ALG9: variants seen among roughly 807,000 people sequenced by gnomAD.
The protein encoded by ALG9 is ALG9 alpha-1,2-mannosyltransferase, also known as alpha-1,2-mannosyltransferase ALG9.
A neutral mutation model predicts 81.8 loss-of-function variants in ALG9; 55 were observed. That is an observed-to-expected ratio of 0.67 (90% CI 0.54 to 0.84). The LOEUF (loss-of-function observed/expected upper bound fraction) is 0.84, where lower values mean the gene tolerates loss of function less well. ALG9 is among the 40% of genes least tolerant of loss of function. The pLI is 0.00. For missense variants in ALG9, 629 were observed against 745.0 expected, an observed-to-expected ratio of 0.84 and a Z score of 1.81; for synonymous variants, 278 against 274.3, an observed-to-expected ratio of 1.01 and a Z score of -0.13.
At chr11:111,808,146 T>G (rs1555087152) in intron 14 of ALG9, among the ~76,000 whole-genome samples, 1 of 152,140 alleles carries the variant, frequency 6.6e-6, no homozygotes, top group Non-Finnish European at 1.5e-5. Flanking sequence ...AAATTATGTA[T>G]CAGATACTTG....
Position 111,840,636 on chromosome 11 carries a change from A to G in ALG9, c.1173+19T>C. The G allele has an allele frequency of 6.2e-7, 1 of 1,613,956 alleles. No individual in the cohort carries two copies. The highest frequency in any genetic ancestry group is 8.5e-7 in the Non-Finnish European group (1 of 1,179,840). On this transcript the variant is annotated intron_variant, in intron 10 of 14. Transcript: ENST00000616540. The stretch of plus-strand genomic sequence containing the variant: ...AAGTAAAAAAGAATGAGGCAGATAC[A>G]CTTCTCCCTGAAACTCACCTGAAGT...
At chr11:111,858,386 A>C (rs781945346) in intron 5 of ALG9, among the ~76,000 whole-genome samples, 1 of 152,214 alleles carries the variant, frequency 6.6e-6, no homozygotes. Flanking sequence ...AATATGCTTT[A>C]AAAGACTTAG....
chr11:111,869,198 G>A (rs1338844464), intron 2 of ALG9, among the ~76,000 whole-genome samples: 1 of 152,200 alleles, frequency 6.6e-6, no homozygotes, highest in Non-Finnish European at 1.5e-5. Flanking sequence ...GGTCAACACT[G>A]AAAGCTTAAA....
intron 14 of ALG9, among the ~76,000 whole-genome samples, chr11:111,800,762 C>G (rs909275874): frequency 6.6e-6 from 1 of 152,110 alleles, no homozygotes; most frequent in East Asian, 1.9e-4. Flanking sequence ...AGGACAGCGA[C>G]CTGGTATGTA....
chr11:111,828,262 C>T (rs782060379), intron 13 of ALG9, among the ~76,000 whole-genome samples: 1 of 152,196 alleles, frequency 6.6e-6, no homozygotes, highest in Non-Finnish European at 1.5e-5. Flanking sequence ...GCCAGTGATT[C>T]AAAACTGTTG....
chr11:111,869,439 C>T (rs923673402), intron 2 of ALG9, among the ~76,000 whole-genome samples: 68 of 151,798 alleles, frequency 4.5e-4, no homozygotes, highest in African/African-American at 1.6e-3. Flanking sequence ...TTTTGGTAAC[C>T]GTCAGAAGAA....
intron 13 of ALG9, among the ~76,000 whole-genome samples, chr11:111,828,299 G>T (rs558390296): frequency 7.2e-5 from 11 of 152,312 alleles, no homozygotes; most frequent in African/African-American, 2.6e-4. Context: ...GGATAGTCTT[G>T]AGCATGATTA....
At chr11:111,831,911 C>G (rs544181943) in intron 13 of ALG9, among the ~76,000 whole-genome samples, 3 of 152,122 alleles carry the variant, frequency 2.0e-5, no homozygotes, top group Admixed American at 6.5e-5. Flanking sequence ...ACACTTTGAG[C>G]GTAATTTAAT....
At chr11:111,790,691 G>T (rs1555069673) in intron 14 of ALG9, among the ~76,000 whole-genome samples, 1 of 152,138 alleles carries the variant, frequency 6.6e-6, no homozygotes, top group African/African-American at 2.4e-5. Context: ...TATGATTACA[G>T]AAGAGAAATG....
At position 111,844,696 on chromosome 11, in the gene ALG9, A is replaced by G. The variant is rs1317581288; in HGVS notation, c.923T>C (p.Ile308Thr). The stretch of plus-strand genomic sequence containing the variant: ...TACATTGAAATTCAGAAATCCATTA[A>G]TTAAATAGAAATACCAGGGTTCTGT... ...YGTEPWYFYLINGFLNFNVAF... is the reference protein window; with the variant it reads ...YGTEPWYFYLTNGFLNFNVAF... The change falls in exon 9 of 15, where the codon ATT becomes ACT. Residue 308 changes from isoleucine to threonine, a missense_variant. Around this residue, in one of 3 missense-constraint regions of ALG9, gnomAD observed 344 missense variants for 390.5 expected, o/e 0.88. Transcript: ENST00000616540. 2 of 1,614,040 alleles carry G rather than the reference A, an allele frequency of 1.2e-6. No homozygotes were observed. The highest frequency in any genetic ancestry group is 1.7e-6 in the Non-Finnish European group (2 of 1,179,918).
intron 14 of ALG9, among the ~76,000 whole-genome samples, chr11:111,795,009 TGA>T (rs541386805): frequency 5.0e-4 from 76 of 152,300 alleles, no homozygotes; most frequent in African/African-American, 1.3e-3. Context: ...GGAAATGCGG[TGA>T]GAGACATTAT....
chr11:111,857,730 A>C lies in ALG9; in HGVS notation c.573T>G (p.Leu191=). The C allele has an allele frequency of 6.2e-7, 1 of 1,614,092 alleles. No individual in the cohort carries two copies. ...TAGTGTACATACAGAAGCTACTAGGAAGGAATGCTGCAAGAGTAAAGAAGT... is the reference window on the plus strand; with the variant it reads ...TAGTGTACATACAGAAGCTACTAGGCAGGAATGCTGCAAGAGTAAAGAAGT... ...TGMFCSSSAF[L]PSSFCMYTTL... The change falls in exon 6 of 15, where the codon CTT becomes CTG. Residue 191 remains leucine (L), a synonymous_variant. Transcript: ENST00000616540.
intron 6 of ALG9, among the ~76,000 whole-genome samples, chr11:111,855,039 A>C (rs1227100356): frequency 6.6e-6 from 1 of 152,246 alleles, no homozygotes; most frequent in East Asian, 1.9e-4. Context: ...GAATGGAAGA[A>C]CTGACAAAAA....
chr11:111,834,506 T>C (rs1276173896), intron 13 of ALG9, among the ~76,000 whole-genome samples: 1 of 152,124 alleles, frequency 6.6e-6, no homozygotes, highest in Admixed American at 6.6e-5. Context: ...ATATCAAATA[T>C]CATAATTCCA....
chr11:111,798,524 C>G (rs1258799764), intron 14 of ALG9, among the ~76,000 whole-genome samples: 1 of 152,212 alleles, frequency 6.6e-6, no homozygotes, highest in African/African-American at 2.4e-5. Context: ...TGGGGACTCT[C>G]AGAGTAGGCA....
intron 13 of ALG9, among the ~76,000 whole-genome samples, chr11:111,810,645 A>G (rs1490447361): frequency 3.9e-5 from 6 of 152,148 alleles, no homozygotes; most frequent in African/African-American, 1.4e-4. Flanking sequence ...AGTTCCAACT[A>G]CTCAGGAGGC....
chr11:111,853,395 C>A lies in ALG9; in HGVS notation c.880G>T (p.Gly294Ter). The A allele has an allele frequency of 6.2e-7, 1 of 1,613,594 alleles. No homozygotes were observed. Among genetic ancestry groups the A allele is most frequent in the Non-Finnish European group, 8.5e-7 (1 of 1,179,612 alleles). The change falls in exon 8 of 15, where the codon GGA becomes TGA. Residue 294 changes from glycine (G) to a stop codon, truncating the protein, a stop_gained. Transcript: ENST00000616540. LOFTEE classifies it high-confidence loss of function. ...IVLYNVFTPH[G>*]PDLYGTEPWY... ...AAAGCCTTACCATAAAGATCAGGTC[C>A]ATGAGGAGTAAAGACATTATACAAA...
chr11:111,869,843 G>A (rs1264029424), intron 2 of ALG9, among the ~76,000 whole-genome samples: 15 of 152,098 alleles, frequency 9.9e-5, no homozygotes, highest in Admixed American at 4.6e-4. Context: ...ACAGAGTCTC[G>A]CTCTGTTGCC....
At chr11:111,819,954 G>A (rs1952074445) in intron 13 of ALG9, among the ~76,000 whole-genome samples, 1 of 152,208 alleles carries the variant, frequency 6.6e-6, no homozygotes, top group Non-Finnish European at 1.5e-5. Context: ...TCAAAACTAT[G>A]ACCAGCTTAT....
Sources: gnomAD v4.1 joint callset for allele counts (sites outside exome capture counted in the v4.1 genomes callset) on GRCh38, gnomAD v4.1.1 for gene constraint, gnomAD v4.1.1 regional missense constraint, MANE v1.5 for transcripts, NCBI Gene and HGNC (gene_info 2026-07-23, HGNC 2026-07-21) for gene names.